The following DLGAP1 variants were observed in gnomAD, a reference collection of about 807,000 sequenced individuals.
DLGAP1 encodes the protein DLG associated protein 1.
Under a neutral mutation model 90.8 loss-of-function variants are expected in DLGAP1, and 11 were observed. That is an observed-to-expected ratio of 0.12 (90% CI 0.08 to 0.20). The LOEUF is 0.20. Ranked by LOEUF, DLGAP1 falls within the 10% of genes least tolerant of loss-of-function variation. The pLI is 1.00. For synonymous variants in DLGAP1, 558 were observed against 540.7 expected, an observed-to-expected ratio of 1.03 and a Z score of -0.44; for missense variants, 1,050 against 1,333.8, an observed-to-expected ratio of 0.79 and a Z score of 3.31.
intron 4 of DLGAP1, among the ~76,000 whole-genome samples, chr18:3,830,873 T>C (rs2067995194): frequency 6.6e-6 from 1 of 152,142 alleles, no homozygotes; most frequent in African/African-American, 2.4e-5. Flanking sequence ...CTAAGCAGAG[T>C]ATAAAAGAAA....
intron 7 of DLGAP1, among the ~76,000 whole-genome samples, chr18:3,583,342 TTC>T (rs377145941): frequency 2.6e-5 from 4 of 151,278 alleles, no homozygotes; most frequent in Non-Finnish European, 5.9e-5. Flanking sequence ...TTCCTTTTCC[TTC>T]TCTCTCTCTC....
In DLGAP1 at chr18:3,620,908, T is replaced by A. The variant is rs2058073692; in HGVS notation, c.1592-38660A>T. Among the ~76,000 whole-genome samples the A allele has an allele frequency of 2.0e-5, 3 of 152,140 alleles. No individual in the cohort carries two copies. The South Asian group carries it at 6.2e-4, about 32-fold the overall frequency. On this transcript the variant is annotated intron_variant, in intron 7 of 12. Coordinates refer to ENST00000315677, the MANE Select transcript of DLGAP1 (RefSeq NM_004746.4). Reference sequence around the variant, plus strand: ...ATGTGTGACCAGAAATTATACATATTTCTAGAGCTTTCACCCTTCAAACAG... The same window carrying A: ...ATGTGTGACCAGAAATTATACATATATCTAGAGCTTTCACCCTTCAAACAG...
At chr18:3,668,442 G>T (rs1416845045) in intron 7 of DLGAP1, among the ~76,000 whole-genome samples, 1 of 152,094 alleles carries the variant, frequency 6.6e-6, no homozygotes, top group Non-Finnish European at 1.5e-5. Context: ...CCTCCAAGTA[G>T]CTAGGACTAC....
rs1029811925 is a variant in DLGAP1, at chr18:3,692,834, C to G, written c.1591+36301G>C. Among the ~76,000 whole-genome samples the G allele has an allele frequency of 3.9e-5, 6 of 152,320 alleles. No homozygotes were observed. The East Asian group carries it at 7.7e-4, about 20-fold the overall frequency. ...GTCCCTGGAAATTCAAACAACTTCTCTAGTGTTCCAGAACTAGCAAATGAG... is the reference window on the plus strand; with the variant it reads ...GTCCCTGGAAATTCAAACAACTTCTGTAGTGTTCCAGAACTAGCAAATGAG... On this transcript the variant is annotated intron_variant, in intron 7 of 12. Transcript: ENST00000315677.
At chr18:4,135,746 A>G (rs1165893952) in intron 2 of DLGAP1, among the ~76,000 whole-genome samples, 3 of 145,746 alleles carry the variant, frequency 2.1e-5, no homozygotes. Context: ...TAACACAATG[A>G]CCTCCAGTTC....
At chr18:3,856,395 T>C (rs1244776048) in intron 4 of DLGAP1, among the ~76,000 whole-genome samples, 1 of 152,144 alleles carries the variant, frequency 6.6e-6, no homozygotes, top group African/African-American at 2.4e-5. Flanking sequence ...ACTGAGGCAA[T>C]GGCCCAATTT....
intron 2 of DLGAP1, among the ~76,000 whole-genome samples, chr18:4,011,804 AGTTCAGTG>A (rs2074428102): frequency 1.3e-5 from 2 of 152,074 alleles, no homozygotes; most frequent in South Asian, 4.2e-4. Context: ...AGCCTGGGTG[AGTTCAGTG>A]GTGTGAACAT....
chr18:3,761,768 G>T (rs1291765312), intron 5 of DLGAP1, among the ~76,000 whole-genome samples: 1 of 152,080 alleles, frequency 6.6e-6, no homozygotes, highest in Non-Finnish European at 1.5e-5. Context: ...TAGAGACGGG[G>T]TTTCACCATG....
intron 1 of DLGAP1, among the ~76,000 whole-genome samples, chr18:4,211,110 G>A (rs2077831713): frequency 6.6e-6 from 1 of 152,162 alleles, no homozygotes; most frequent in African/African-American, 2.4e-5. Flanking sequence ...TCTGAAGCTC[G>A]AGAATGAGAT....
intron 10 of DLGAP1, among the ~76,000 whole-genome samples, chr18:3,510,100 A>T (rs1300470606): frequency 1.3e-5 from 2 of 152,174 alleles, no homozygotes; most frequent in Non-Finnish European, 2.9e-5. Flanking sequence ...CTCTTTAACT[A>T]ATAAATCAAT....
chr18:4,030,035 C>G (rs1464497927), intron 2 of DLGAP1, among the ~76,000 whole-genome samples: 1 of 152,198 alleles, frequency 6.6e-6, no homozygotes, highest in African/African-American at 2.4e-5. Flanking sequence ...CTCTGTCACC[C>G]AGGCTGGAGA....
chr18:4,136,828 G>C (rs756666791), intron 2 of DLGAP1, among the ~76,000 whole-genome samples: 16 of 152,128 alleles, frequency 1.1e-4, no homozygotes, highest in Non-Finnish European at 2.2e-4. Flanking sequence ...CAATATTCTA[G>C]AGAGTTTCCC....
chr18:4,283,467 G>A (rs934748483), intron 1 of DLGAP1, among the ~76,000 whole-genome samples: 1 of 152,102 alleles, frequency 6.6e-6, no homozygotes, highest in Non-Finnish European at 1.5e-5. Flanking sequence ...AATGGGTAAA[G>A]GGCCCTGTAA....
intron 4 of DLGAP1, among the ~76,000 whole-genome samples, chr18:3,858,530 A>G (rs961418989): frequency 1.6e-4 from 23 of 143,108 alleles, no homozygotes; most frequent in African/African-American, 5.1e-4. Flanking sequence ...ATATATATGC[A>G]CACACACACA....
At chr18:3,741,173 T>C (rs1261844327) in intron 6 of DLGAP1, among the ~76,000 whole-genome samples, 7 of 23,484 alleles carry the variant, frequency 3.0e-4, no homozygotes, top group South Asian at 1.3e-3. Flanking sequence ...CACCACCACA[T>C]CACCACCACC....
chr18:4,209,435 T>G lies in DLGAP1; in HGVS notation c.-266-58148A>C, dbSNP rs375483381. 2.6e-5 allele frequency among the ~76,000 whole-genome samples: 4 copies of G among 152,308 alleles called. No homozygotes were observed. In the South Asian group the frequency reaches 6.2e-4, roughly 24 times the overall value. On this transcript the variant is annotated intron_variant, in intron 1 of 12. Transcript: ENST00000315677. ...CAATCCTGAATATCTGATAAGCAGA[T>G]TTACCTTGATTAGTGTTTCAAAATA...
chr18:4,191,359 C>T (rs2077396825), intron 1 of DLGAP1, among the ~76,000 whole-genome samples: 2 of 152,110 alleles, frequency 1.3e-5, no homozygotes, highest in African/African-American at 4.8e-5. Flanking sequence ...AGCCTAAATA[C>T]TAAATGATGA....
intron 3 of DLGAP1, among the ~76,000 whole-genome samples, chr18:3,901,434 A>G (rs768369217): frequency 1.1e-4 from 16 of 152,096 alleles, no homozygotes; most frequent in South Asian, 2.1e-4. Context: ...CACCCCGTCC[A>G]CTGCTTGTCA....
intron 5 of DLGAP1, among the ~76,000 whole-genome samples, chr18:3,776,516 C>A (rs1224680669): frequency 6.6e-6 from 1 of 152,156 alleles, no homozygotes; most frequent in African/African-American, 2.4e-5. Flanking sequence ...TAACATGGGA[C>A]CAGTTCTTGG....
Sources: gnomAD v4.1 joint callset for allele counts (sites outside exome capture counted in the v4.1 genomes callset) on GRCh38, gnomAD v4.1.1 for gene constraint, MANE v1.5 for transcripts, NCBI Gene and HGNC (gene_info 2026-07-23, HGNC 2026-07-21) for gene names.